The following CSMD2 variants were observed in gnomAD, a reference collection of about 807,000 sequenced individuals.
CSMD2 encodes CUB and Sushi multiple domains 2.
Under a neutral mutation model 398.5 loss-of-function variants are expected in CSMD2, and 130 were observed. The ratio of observed to expected loss-of-function variants is 0.33; its 90% CI spans 0.28 to 0.38. CSMD2 has a LOEUF of 0.38. Ranked by LOEUF, CSMD2 falls within the 10% of genes least tolerant of loss-of-function variation. The pLI, the probability that CSMD2 is intolerant of heterozygous loss-of-function variation, is 1.00. For synonymous variants in CSMD2, 1,828 were observed against 1,908.5 expected (o/e 0.96, Z 1.10); for missense variants, 3,829 against 4,764.9 (o/e 0.80, Z 5.78).
At chr1:33,817,904 G>A (rs948075563) in intron 9 of CSMD2, among the ~76,000 whole-genome samples, 2 of 152,188 alleles carry the variant, frequency 1.3e-5, no homozygotes, top group Non-Finnish European at 2.9e-5. Flanking sequence ...AAAAAGCCCA[G>A]CCCAATGCTT....
At chr1:33,709,340 C>T in intron 21 of CSMD2, 82 bp from the exon 22 acceptor site, 1 of 1,251,470 alleles carries the variant, frequency 8.0e-7, no homozygotes, top group Admixed American at 2.3e-5. Flanking sequence ...AAGAACCTGA[C>T]AAAGATGACA....
chr1:33,939,522 C>T lies in CSMD2; in HGVS notation c.518-3568G>A, dbSNP rs373073051. On this transcript the variant is annotated intron_variant, in intron 3 of 70. Transcript: ENST00000373381. ...TAACGTGTCATTTTCCGCAATGAGA[C>T]GCAAAGACCCAATTTAATTAAATTA... Among the ~76,000 whole-genome samples, 41 of 152,202 alleles carry T rather than the reference C, an allele frequency of 2.7e-4. 1 individual carries two copies. The East Asian group carries it at 3.7e-3, about 14-fold the overall frequency.
intron 1 of CSMD2, among the ~76,000 whole-genome samples, chr1:34,141,604 A>G (rs1051347546): frequency 6.6e-6 from 1 of 152,232 alleles, no homozygotes; most frequent in Non-Finnish European, 1.5e-5. Context: ...TCTGAGGAAC[A>G]GCAGAGAAGC....
chr1:34,114,464 GA>G (rs1661412710), intron 1 of CSMD2, among the ~76,000 whole-genome samples: 1 of 152,110 alleles, frequency 6.6e-6, no homozygotes, highest in South Asian at 2.1e-4. Context: ...TTGGGAGGCC[GA>G]AGCAGAAGGA....
At chr1:34,072,410 A>T (rs1051664017) in intron 2 of CSMD2, among the ~76,000 whole-genome samples, 2 of 152,172 alleles carry the variant, frequency 1.3e-5, no homozygotes, top group Non-Finnish European at 2.9e-5. Context: ...TCAGGGAGTA[A>T]GAGCTGAGGA....
intron 46 of CSMD2, among the ~76,000 whole-genome samples, chr1:33,584,226 G>A (rs555008485): frequency 1.4e-4 from 21 of 152,314 alleles, no homozygotes; most frequent in African/African-American, 4.8e-4. Flanking sequence ...AAGTACATGG[G>A]ATTTTGAGTC....
At chr1:33,820,788 C>T (rs927672369) in intron 7 of CSMD2, among the ~76,000 whole-genome samples, 1 of 152,020 alleles carries the variant, frequency 6.6e-6, no homozygotes, top group Non-Finnish European at 1.5e-5. Flanking sequence ...AAAGTCATCA[C>T]GAGTGTGTGG....
chr1:34,159,335 C>CTG (rs1553123897), intron 1 of CSMD2, among the ~76,000 whole-genome samples: 1 of 81,054 alleles, frequency 1.2e-5, no homozygotes, highest in Admixed American at 1.1e-4. Context: ...CCTGCCCCCC[C>CTG]CCCACCCAGG....
At position 33,908,286 on chromosome 1, in the gene CSMD2, C is replaced by T. The variant is rs545576731; in HGVS notation, c.920+9808G>A. 5.5e-4 allele frequency among the ~76,000 whole-genome samples: 83 copies of T among 152,186 alleles called. 3 individuals are homozygous for T. In the South Asian group the frequency reaches 0.016, roughly 29 times the overall value. Reference sequence around the variant, plus strand: ...CATGGCCAAACATGAAAACAGAGACCAGGAGGGGGCCTTGAACATTCAGAA... The same window carrying T: ...CATGGCCAAACATGAAAACAGAGACTAGGAGGGGGCCTTGAACATTCAGAA... On this transcript the variant is annotated intron_variant, in intron 5 of 70. Coordinates refer to ENST00000373381, the MANE Select transcript of CSMD2 (RefSeq NM_001281956.2).
At chr1:33,888,673 A>C (rs1641761607) in intron 5 of CSMD2, among the ~76,000 whole-genome samples, 1 of 152,220 alleles carries the variant, frequency 6.6e-6, no homozygotes, top group South Asian at 2.1e-4. Context: ...GACTATTTCT[A>C]TAATTTCCAA....
chr1:34,002,973 CA>C (rs1646946211), intron 3 of CSMD2, among the ~76,000 whole-genome samples: 1 of 152,328 alleles, frequency 6.6e-6, no homozygotes, highest in African/African-American at 2.4e-5. Flanking sequence ...GGTGCAGCTG[CA>C]GGGAGTGGTC....
chr1:33,754,806 C>G (rs1448289853), intron 13 of CSMD2, among the ~76,000 whole-genome samples: 2 of 151,958 alleles, frequency 1.3e-5, no homozygotes, highest in Admixed American at 6.6e-5. Flanking sequence ...TTGATCATCT[C>G]TTATAAAAGG....
intron 3 of CSMD2, among the ~76,000 whole-genome samples, chr1:34,020,810 C>T (rs1648772265): frequency 6.6e-6 from 1 of 152,084 alleles, no homozygotes; most frequent in African/African-American, 2.4e-5. Flanking sequence ...AGCCCCCACC[C>T]CTGCATTGCT....
chr1:34,059,543 A>G (rs1210952135), intron 2 of CSMD2, among the ~76,000 whole-genome samples: 1 of 152,056 alleles, frequency 6.6e-6, no homozygotes, highest in Non-Finnish European at 1.5e-5. Context: ...CTCCCTTACT[A>G]GAGGCTAAGT....
At position 33,663,062 on chromosome 1, in the gene CSMD2, C is replaced by T. The variant is rs1476449285; in HGVS notation, c.4083G>A (p.Glu1361=). The T allele has an allele frequency of 6.2e-7, 1 of 1,614,112 alleles. No homozygotes were observed. The highest frequency in any genetic ancestry group is 1.1e-5 in the South Asian group (1 of 91,082). ...GLHFLVFDTE[E]VHDVLRIWDG... is the part of the protein sequence containing the mutation. ...CCCAGATGCGCAGCACGTCGTGAACCTCCTCTGTGTCAAACACCAGGAAGT... is the reference window on the plus strand; with the variant it reads ...CCCAGATGCGCAGCACGTCGTGAACTTCCTCTGTGTCAAACACCAGGAAGT... The change falls in exon 26 of 71, where the codon GAG becomes GAA. Residue 1361 remains glutamate (E), a synonymous_variant. Coordinates refer to ENST00000373381, the MANE Select transcript of CSMD2 (RefSeq NM_001281956.2).
chr1:33,918,365 T>G, intron 4 of CSMD2, 64 bp from the exon 5 acceptor site: 1 of 1,333,392 alleles, frequency 7.5e-7, no homozygotes, highest in South Asian at 1.2e-5. Flanking sequence ...GCACTCACCA[T>G]GGGCTATACC....
At chr1:34,021,061 T>G (rs1023594205) in intron 3 of CSMD2, among the ~76,000 whole-genome samples, 1 of 152,118 alleles carries the variant, frequency 6.6e-6, no homozygotes, top group African/African-American at 2.4e-5. Context: ...GAAATATCAG[T>G]GGGTTCAACT....
chr1:34,011,757 G>A lies in CSMD2; in HGVS notation c.517+20837C>T, dbSNP rs1008686417. On this transcript the variant is annotated intron_variant, in intron 3 of 70. Coordinates refer to ENST00000373381, the MANE Select transcript of CSMD2 (RefSeq NM_001281956.2). ...ATTATACTGTTTCAGTTATTTTAAAGCATAAATTAAATGATTATTGACTAT... is the reference window on the plus strand; with the variant it reads ...ATTATACTGTTTCAGTTATTTTAAAACATAAATTAAATGATTATTGACTAT... Among the ~76,000 whole-genome samples the A allele has an allele frequency of 2.4e-4, 37 of 152,048 alleles. 1 individual carries two copies. The highest frequency in any genetic ancestry group is 8.9e-4 in the African/African-American group (37 of 41,404).
intron 2 of CSMD2, 151 bp from the exon 3 acceptor site, chr1:34,032,857 A>C (rs1206717857): frequency 1.7e-6 from 1 of 597,536 alleles, no homozygotes; most frequent in African/African-American, 2.0e-5. Context: ...AGAGGTGATG[A>C]AAACCAGCAG....
Sources: gnomAD v4.1 joint callset for allele counts (sites outside exome capture counted in the v4.1 genomes callset) on GRCh38, gnomAD v4.1.1 for gene constraint, MANE v1.5 for transcripts, NCBI Gene and HGNC (gene_info 2026-07-23, HGNC 2026-07-21) for gene names.